Variants in NAALADL2 observed in about 807,000 individuals in gnomAD.
NAALADL2 encodes inactive N-acetylated-alpha-linked acidic dipeptidase-like protein 2.
NAALADL2 carries 76 observed loss-of-function variants against 87.2 expected under a neutral mutation model. That is an observed-to-expected ratio of 0.87 (90% CI 0.72 to 1.05). The LOEUF (loss-of-function observed/expected upper bound fraction) is 1.05, where lower values mean the gene tolerates loss of function less well. Among genes scored for constraint, NAALADL2 ranks in the 50% least tolerant of loss-of-function variants. The probability of loss-of-function intolerance (pLI) is 0.00; values close to 1 mark genes in which losing one functional copy is unlikely to be tolerated. For synonymous variants in NAALADL2, 354 were observed against 331.0 expected (o/e 1.07, Z -0.75); for missense variants, 1,089 against 945.8 (o/e 1.15, Z -1.99).
At chr3:175,408,219 G>A (rs1356100133) in intron 5 of NAALADL2, among the ~76,000 whole-genome samples, 1 of 152,056 alleles carries the variant, frequency 6.6e-6, no homozygotes, top group African/African-American at 2.4e-5. Context: ...TCTGCATGAT[G>A]ACTTCAGTTA....
chr3:175,125,888 G>C (rs1726873441), intron 2 of NAALADL2, among the ~76,000 whole-genome samples: 1 of 151,774 alleles, frequency 6.6e-6, no homozygotes, highest in African/African-American at 2.4e-5. Context: ...TGAGACATAA[G>C]GACTGACTTA....
chr3:174,928,343 G>T (rs191923926), intron 1 of NAALADL2, among the ~76,000 whole-genome samples: 1 of 152,216 alleles, frequency 6.6e-6, no homozygotes, highest in African/African-American at 2.4e-5. Flanking sequence ...GAGTTCAAGC[G>T]ATTCTTCTGC....
At chr3:174,591,818 T>C (rs1717389233) in intron 2 of NAALADL2, among the ~76,000 whole-genome samples, 1 of 152,164 alleles carries the variant, frequency 6.6e-6, no homozygotes, top group Admixed American at 6.5e-5. Context: ...TTTGTTTATT[T>C]AGTTGGTTTG....
At chr3:175,463,367 A>G in intron 6 of NAALADL2, 34 bp from the exon 7 acceptor site, 1 of 1,297,330 alleles carries the variant, frequency 7.7e-7, no homozygotes, top group South Asian at 1.4e-5. Flanking sequence ...TAAAATATAA[A>G]GAAGCAAAAG....
chr3:175,725,013 A>G (rs916739583), intron 11 of NAALADL2, among the ~76,000 whole-genome samples: 1 of 152,102 alleles, frequency 6.6e-6, no homozygotes, highest in African/African-American at 2.4e-5. Flanking sequence ...TTAGAAGGAA[A>G]TAACATCTTT....
intron 1 of NAALADL2, among the ~76,000 whole-genome samples, chr3:174,989,944 A>G (rs759574317): frequency 1.3e-5 from 2 of 152,154 alleles, no homozygotes; most frequent in Non-Finnish European, 2.9e-5. Context: ...TTGTTTTAAT[A>G]TAATAAATTT....
At chr3:175,115,474 C>A (rs1724960519) in intron 2 of NAALADL2, among the ~76,000 whole-genome samples, 1 of 137,444 alleles carries the variant, frequency 7.3e-6, no homozygotes, top group African/African-American at 2.9e-5. Context: ...ACATGTAAAA[C>A]TCTGAGTATT....
intron 2 of NAALADL2, among the ~76,000 whole-genome samples, chr3:174,699,968 T>G (rs997636099): frequency 4.6e-5 from 7 of 152,120 alleles, no homozygotes; most frequent in Non-Finnish European, 7.4e-5. Flanking sequence ...TTTAATTTTT[T>G]CTCTTGCATA....
At chr3:175,796,317 G>A (rs1753490978) in intron 13 of NAALADL2, among the ~76,000 whole-genome samples, 1 of 152,144 alleles carries the variant, frequency 6.6e-6, no homozygotes. Flanking sequence ...GAGCTGCAAA[G>A]TCTTATTTTA....
chr3:174,936,572 C>T (rs994524640), intron 1 of NAALADL2, among the ~76,000 whole-genome samples: 2 of 152,080 alleles, frequency 1.3e-5, no homozygotes, highest in Admixed American at 6.6e-5. Context: ...AGGCCCATCT[C>T]AAAATGGAAG....
chr3:174,783,390 G>A (rs1049784751), intron 3 of NAALADL2, among the ~76,000 whole-genome samples: 9 of 152,134 alleles, frequency 5.9e-5, no homozygotes, highest in African/African-American at 2.2e-4. Context: ...GGTATGAACA[G>A]CCACATGAAT....
chr3:174,882,591 G>A lies in NAALADL2; in HGVS notation c.43+23141G>A, dbSNP rs550875773. On this transcript the variant is annotated intron_variant, in intron 1 of 13. Coordinates refer to ENST00000454872, the MANE Select transcript of NAALADL2 (RefSeq NM_207015.3). ...TACATATGTGCTTATACACATATGT[G>A]TATATACACATACATATATGTGCAT... Among the ~76,000 whole-genome samples the A allele has an allele frequency of 4.3e-3, 577 of 135,690 alleles. 6 individuals carry two copies. Among genetic ancestry groups the A allele is most frequent in the African/African-American group, 0.019 (553 of 29,544 alleles). The allele number at this position is 135,690 out of a possible 152,430, so 89.0% of individuals were successfully genotyped here.
intron 11 of NAALADL2, among the ~76,000 whole-genome samples, chr3:175,653,875 C>T (rs1193845832): frequency 6.6e-6 from 1 of 152,124 alleles, no homozygotes; most frequent in Non-Finnish European, 1.5e-5. Flanking sequence ...TGTTTGGGGT[C>T]AACAACTTTG....
intron 2 of NAALADL2, among the ~76,000 whole-genome samples, chr3:174,642,765 TATATATATATATATATATATATATG>T (rs1461231811): frequency 0.022 from 1,056 of 47,062 alleles, 24 homozygotes; most frequent in African/African-American, 0.062. Flanking sequence ...TATATATATA[TATATATATATATATATATATATATG>T]TTTTTTTTCA....
intron 1 of NAALADL2, among the ~76,000 whole-genome samples, chr3:175,095,085 T>C (rs987020022): frequency 1.3e-5 from 2 of 152,044 alleles, no homozygotes; most frequent in African/African-American, 4.8e-5. Context: ...TTCCTCAGCA[T>C]CTTTGGCCCA....
intron 9 of NAALADL2, among the ~76,000 whole-genome samples, chr3:175,477,696 T>C (rs1023185141): frequency 6.6e-6 from 1 of 152,126 alleles, no homozygotes; most frequent in Non-Finnish European, 1.5e-5. Context: ...TAGTTACAAA[T>C]AGTCACTGTG....
At chr3:175,574,554 G>A (rs1370629988) in intron 9 of NAALADL2, among the ~76,000 whole-genome samples, 1 of 152,094 alleles carries the variant, frequency 6.6e-6, no homozygotes, top group Non-Finnish European at 1.5e-5. Context: ...TCCAGCTCCA[G>A]TTTCTCTTGT....
At chr3:175,056,355 G>A (rs1712168550) in intron 1 of NAALADL2, among the ~76,000 whole-genome samples, 2 of 152,116 alleles carry the variant, frequency 1.3e-5, no homozygotes, top group Non-Finnish European at 1.5e-5. Flanking sequence ...TTGTCCCATT[G>A]TTACCCTGAT....
chr3:174,872,179 CTATGATGCTGAT>C (rs1265851065), intron 1 of NAALADL2, among the ~76,000 whole-genome samples: 1 of 152,088 alleles, frequency 6.6e-6, no homozygotes, highest in African/African-American at 2.4e-5. Context: ...ATTCTAACAT[CTATGATGCTGAT>C]TATGATGATA....
Sources: gnomAD v4.1 joint callset for allele counts (sites outside exome capture counted in the v4.1 genomes callset) on GRCh38, gnomAD v4.1.1 for gene constraint, MANE v1.5 for transcripts, NCBI Gene and HGNC (gene_info 2026-07-23, HGNC 2026-07-21) for gene names.